ABHD13: variants seen among roughly 807,000 people sequenced by gnomAD.
ABHD13 encodes the protein abhydrolase domain containing 13, also known as protein ABHD13.
ABHD13 carries 7 observed loss-of-function variants against 25.2 expected under a neutral mutation model. The ratio of observed to expected loss-of-function variants is 0.28; its 90% confidence interval spans 0.16 to 0.52. The LOEUF (loss-of-function observed/expected upper bound fraction) is 0.52. ABHD13 is among the 20% of genes least tolerant of loss of function. The probability of loss-of-function intolerance (pLI) is 0.96; values close to 1 mark genes in which losing one functional copy is unlikely to be tolerated. For synonymous variants in ABHD13, 133 were observed against 136.1 expected, an observed-to-expected ratio of 0.98 and a Z score of 0.16; for missense variants, 302 against 402.7, an observed-to-expected ratio of 0.75 and a Z score of 2.14.
chr13:108,224,305 G>A (rs928550), intron 1 of ABHD13, among the ~76,000 whole-genome samples: 2 of 152,138 alleles, frequency 1.3e-5, no homozygotes, highest in Non-Finnish European at 2.9e-5. Flanking sequence ...AGCAAGGACT[G>A]TATAGTATAC....
In ABHD13 at chr13:108,230,525, G is replaced by A. The variant is rs149262804; in HGVS notation, c.*293G>A. 48 of 234,242 alleles carry A rather than the reference G, an allele frequency of 2.0e-4. No homozygotes were observed. Among genetic ancestry groups the A allele is most frequent in the African/African-American group, 1.0e-3 (44 of 43,402 alleles). 14.5% of individuals were successfully genotyped at this position (234,242 alleles called of 1,614,324 possible). On this transcript the variant is annotated 3_prime_UTR_variant, in exon 2 of 2. Coordinates refer to ENST00000375898, the MANE Select transcript of ABHD13 (RefSeq NM_032859.3). Reference sequence around the variant, plus strand: ...AAAAGTTTCTTGTTGCTAAAGTGGTGTAATCTGTTACACAGATGAATAGCT... The same window carrying A: ...AAAAGTTTCTTGTTGCTAAAGTGGTATAATCTGTTACACAGATGAATAGCT...
At chr13:108,221,754 T>C (rs1313670183) in intron 1 of ABHD13, among the ~76,000 whole-genome samples, 1 of 152,188 alleles carries the variant, frequency 6.6e-6, no homozygotes, top group Admixed American at 6.5e-5. Context: ...TAATTCACTA[T>C]GGGTAATGCA....
At position 108,230,494 on chromosome 13, in the gene ABHD13, T is replaced by G. The variant is rs1025574198; in HGVS notation, c.*262T>G. 1.0e-5 allele frequency: 3 copies of G among 292,954 alleles called. No individual in the cohort carries two copies. The Admixed American group carries it at 1.5e-4, about 14-fold the overall frequency. 18.1% of individuals were successfully genotyped at this position (292,954 alleles called of 1,614,324 possible). A position where few individuals can be genotyped will look rare whatever the true frequency, so the allele number is the denominator to read the frequency against. On this transcript the variant is annotated 3_prime_UTR_variant, in exon 2 of 2. Transcript: ENST00000375898. Reference sequence around the variant, plus strand: ...GTTTAATATGTCAGTATAATAGATATTGTTCAAAAGTTTCTTGTTGCTAAA... The same window carrying G: ...GTTTAATATGTCAGTATAATAGATAGTGTTCAAAAGTTTCTTGTTGCTAAA...
intron 1 of ABHD13, among the ~76,000 whole-genome samples, chr13:108,221,785 A>G (rs1182992947): frequency 6.6e-6 from 1 of 151,894 alleles, no homozygotes; most frequent in Non-Finnish European, 1.5e-5. Flanking sequence ...TTTTTAAAAG[A>G]CCATTTGCTG....
chr13:108,223,300 T>C (rs1334964547), intron 1 of ABHD13, among the ~76,000 whole-genome samples: 2 of 152,224 alleles, frequency 1.3e-5, no homozygotes, highest in Non-Finnish European at 2.9e-5. Context: ...GCCAAACCTC[T>C]AAGTCTGAAC....
At chr13:108,220,187 C>T (rs1308722796) in intron 1 of ABHD13, among the ~76,000 whole-genome samples, 9 of 152,148 alleles carry the variant, frequency 5.9e-5, no homozygotes, top group African/African-American at 2.2e-4. Context: ...AACACTGTCT[C>T]CTTTCCATTG....
rs1879775408 is a variant in ABHD13, at chr13:108,230,359, G to C, written c.*127G>C. 15 of 742,830 alleles carry C rather than the reference G, an allele frequency of 2.0e-5. No individual in the cohort carries two copies. In the South Asian group the frequency reaches 3.4e-4, roughly 17 times the overall value. 46.0% of individuals were successfully genotyped at this position (742,830 alleles called of 1,614,324 possible). A position where few individuals can be genotyped will look rare whatever the true frequency, so the allele number is the denominator to read the frequency against. Reference sequence around the variant, plus strand: ...CATTAAACTTTGAAAGGACTTCACTGCTCCTTTACGATATTCCAAATAGTT... The same window carrying C: ...CATTAAACTTTGAAAGGACTTCACTCCTCCTTTACGATATTCCAAATAGTT... On this transcript the variant is annotated 3_prime_UTR_variant, in exon 2 of 2. Transcript: ENST00000375898.
Position 108,233,372 on chromosome 13 carries a change from AT to A in ABHD13, c.*3142del, listed in dbSNP as rs1212187280. On this transcript the variant is annotated 3_prime_UTR_variant, in exon 2 of 2. Transcript: ENST00000375898. ...CTCAGATAGCTTAAGAGCAGTTTAT[AT>A]TAAGGAGACCCTTTTCTCCTTGAGG... 7 of 166,874 alleles carry A rather than the reference AT, an allele frequency of 4.2e-5. No individual in the cohort carries two copies. The highest frequency in any genetic ancestry group is 1.7e-4 in the African/African-American group (7 of 41,444). The allele number at this position is 166,874 out of a possible 1,614,324, so 10.3% of individuals were successfully genotyped here. A position where few individuals can be genotyped will look rare whatever the true frequency, so the allele number is the denominator to read the frequency against.
chr13:108,227,107 A>C (rs1388275909), intron 1 of ABHD13, among the ~76,000 whole-genome samples: 2 of 152,238 alleles, frequency 1.3e-5, no homozygotes, highest in East Asian at 3.9e-4. Flanking sequence ...TGAGATTATG[A>C]TTGTTTATCA....
At chr13:108,220,607 T>C (rs1879547036) in intron 1 of ABHD13, among the ~76,000 whole-genome samples, 1 of 152,244 alleles carries the variant, frequency 6.6e-6, no homozygotes, top group African/African-American at 2.4e-5. Context: ...ACAGATTTTG[T>C]AATACATTAT....
At chr13:108,220,653 C>T (rs1328872700) in intron 1 of ABHD13, among the ~76,000 whole-genome samples, 1 of 152,156 alleles carries the variant, frequency 6.6e-6, no homozygotes, top group Non-Finnish European at 1.5e-5. Flanking sequence ...GGTGTGAACT[C>T]CTACAACAGT....
rs1879735919 is a variant in ABHD13, at chr13:108,229,116, T to G, written c.-20-83T>G. ...CCATATTTAACAATTACATGTGGCCTAGTACCATAGTTTATTATATTGTGG... is the reference window on the plus strand; with the variant it reads ...CCATATTTAACAATTACATGTGGCCGAGTACCATAGTTTATTATATTGTGG... On this transcript the variant is annotated intron_variant, in intron 1 of 1. Transcript: ENST00000375898. The surrounding 1 kb of genome is among the most constrained non-coding windows in gnomAD (Gnocchi z 4.7). 9.5e-7 allele frequency: 1 copy of G among 1,050,974 alleles called. No individual in the cohort carries two copies. The highest frequency in any genetic ancestry group is 1.4e-6 in the Non-Finnish European group (1 of 731,236). The allele number at this position is 1,050,974 out of a possible 1,614,324, so 65.1% of individuals were successfully genotyped here.
At position 108,219,006 on chromosome 13, in the gene ABHD13, T is replaced by A. The variant is rs1214123075; in HGVS notation, c.-21+347T>A. On this transcript the variant is annotated intron_variant, in intron 1 of 1. Coordinates refer to ENST00000375898, the MANE Select transcript of ABHD13 (RefSeq NM_032859.3). Reference sequence around the variant, plus strand: ...TTTTGTAATTGGAACCTAAAACGTATCTTAGTGTTCTATGTCAATTGTATT... The same window carrying A: ...TTTTGTAATTGGAACCTAAAACGTAACTTAGTGTTCTATGTCAATTGTATT... Among the ~76,000 whole-genome samples, 3 of 152,150 alleles carry A rather than the reference T, an allele frequency of 2.0e-5. No individual in the cohort carries two copies. In the East Asian group the frequency reaches 5.8e-4, roughly 29 times the overall value.
At chr13:108,220,555 A>G (rs1879546459) in intron 1 of ABHD13, among the ~76,000 whole-genome samples, 1 of 152,218 alleles carries the variant, frequency 6.6e-6, no homozygotes, top group African/African-American at 2.4e-5. Flanking sequence ...TGGACTTAAA[A>G]GATGCTCTAG....
intron 1 of ABHD13, among the ~76,000 whole-genome samples, chr13:108,227,193 C>T (rs1295824280): frequency 6.6e-6 from 1 of 152,026 alleles, no homozygotes; most frequent in African/African-American, 2.4e-5. Flanking sequence ...TTATTCCTAG[C>T]CAGTAATAGA....
Position 108,229,525 on chromosome 13 carries a change from T to A in ABHD13, c.307T>A (p.Leu103Met). 6.2e-7 allele frequency: 1 copy of A among 1,613,558 alleles called. No individual in the cohort carries two copies. ...TKDGIRLNLI[L>M]IRYTGDNSPY... ...AGATGGAATACGTCTGAATCTTATT[T>A]TGATACGATACACTGGAGACAATTC... Residue 103 changes from leucine to methionine, a missense_variant, in exon 2 of 2, where the codon TTG (leucine) becomes ATG (methionine). Physicochemically the swap from Leu to Met is conservative, Grantham distance 15. Transcript: ENST00000375898. This position sits in a 1 kb window ranked among gnomAD's most constrained non-coding sequence, Gnocchi z 4.7.
chr13:108,229,191 C>G lies in ABHD13; in HGVS notation c.-20-8C>G. The stretch of plus-strand genomic sequence containing the variant: ...TGAATTATTGATATTCTCCCTCTCT[C>G]TCTCTAGGATACTTACAGAGAGCTA... On this transcript the variant is annotated splice_polypyrimidine_tract_variant and splice_region_variant and intron_variant, in intron 1 of 1. Transcript: ENST00000375898. This position sits in a 1 kb window ranked among gnomAD's most constrained non-coding sequence, Gnocchi z 4.7. 6.7e-7 allele frequency: 1 copy of G among 1,501,666 alleles called. No homozygotes were observed. Among genetic ancestry groups the G allele is most frequent in the East Asian group, 2.3e-5 (1 of 43,534 alleles). 93.0% of individuals were successfully genotyped at this position (1,501,666 alleles called of 1,614,324 possible). A position where few individuals can be genotyped will look rare whatever the true frequency, so the allele number is the denominator to read the frequency against.
In ABHD13 at chr13:108,233,543, CTGTG is replaced by C. The variant is rs1566383875; in HGVS notation, c.*3312_*3315del. On this transcript the variant is annotated 3_prime_UTR_variant, in exon 2 of 2. Transcript: ENST00000375898. ...TGATAATTATATGTATTTTTAAAAA[CTGTG>C]AGAGGAAAAATTAGTCATAACCCTT... The C allele has an allele frequency of 6.0e-6, 1 of 166,616 alleles. No homozygotes were observed. Among genetic ancestry groups the C allele is most frequent in the African/African-American group, 2.4e-5 (1 of 41,368 alleles). The allele number at this position is 166,616 out of a possible 1,614,324, so 10.3% of individuals were successfully genotyped here.
intron 1 of ABHD13, among the ~76,000 whole-genome samples, chr13:108,222,653 A>G (rs571762542): frequency 6.6e-6 from 1 of 152,270 alleles, no homozygotes; most frequent in African/African-American, 2.4e-5. Flanking sequence ...GGAAGTTTAT[A>G]AAGTGTATAA....
Sources: allele counts gnomAD v4.1 joint callset (sites outside exome capture counted in the v4.1 genomes callset), GRCh38; gene constraint gnomAD v4.1.1; non-coding constraint Gnocchi (gnomAD v3.1); transcripts MANE v1.5; gene names NCBI Gene and HGNC (gene_info 2026-07-23, HGNC 2026-07-21).